KITLG: variants seen among roughly 807,000 people sequenced by gnomAD.
KITLG encodes the protein KIT ligand.
KITLG carries 13 observed loss-of-function variants against 34.1 expected under a neutral mutation model. The ratio of observed to expected loss-of-function variants is 0.38; its 90% CI spans 0.25 to 0.61. The LOEUF (loss-of-function observed/expected upper bound fraction) is 0.61. KITLG is among the 20% of genes least tolerant of loss of function. The pLI is 0.60. For synonymous variants in KITLG, 110 were observed against 104.0 expected (o/e 1.06, Z -0.35); for missense variants, 292 against 318.9 (o/e 0.92, Z 0.64).
intron 3 of KITLG, among the ~76,000 whole-genome samples, chr12:88,526,106 T>A (rs1014813904): frequency 2.0e-5 from 3 of 152,052 alleles, no homozygotes; most frequent in African/African-American, 7.2e-5. Context: ...GGTATTCAGA[T>A]GAGTTGGTTA....
intron 1 of KITLG, among the ~76,000 whole-genome samples, chr12:88,552,327 A>G (rs897557127): frequency 1.3e-5 from 2 of 151,278 alleles, no homozygotes; most frequent in Admixed American, 6.6e-5. Context: ...GGTGCCTGCC[A>G]CCATGGCTGG....
At chr12:88,544,838 G>C (rs1005153052) in intron 2 of KITLG, among the ~76,000 whole-genome samples, 1 of 152,146 alleles carries the variant, frequency 6.6e-6, no homozygotes, top group African/African-American at 2.4e-5. Flanking sequence ...CAAGAGGAGG[G>C]AAGATAAATA....
chr12:88,497,996 G>A (rs964153341), intron 9 of KITLG, among the ~76,000 whole-genome samples: 2 of 152,166 alleles, frequency 1.3e-5, no homozygotes, highest in African/African-American at 4.8e-5. Context: ...ACTTGTTGAA[G>A]CATGAAAGCC....
chr12:88,519,790 A>G (rs1869591682), intron 3 of KITLG, among the ~76,000 whole-genome samples: 1 of 151,968 alleles, frequency 6.6e-6, no homozygotes, highest in African/African-American at 2.4e-5. Flanking sequence ...AGTGTGGCTA[A>G]TTTTTAATTT....
At chr12:88,555,763 T>C (rs927486765) in intron 1 of KITLG, among the ~76,000 whole-genome samples, 2 of 152,106 alleles carry the variant, frequency 1.3e-5, no homozygotes, top group Non-Finnish European at 2.9e-5. Flanking sequence ...AAAAACAAAA[T>C]TGGGTGCTTT....
intron 1 of KITLG, among the ~76,000 whole-genome samples, chr12:88,550,136 T>C (rs575459272): frequency 6.6e-6 from 1 of 152,244 alleles, no homozygotes; most frequent in South Asian, 2.1e-4. Flanking sequence ...AAACAGTGAG[T>C]ATGAACAGCT....
At chr12:88,503,785 T>A (rs1193947144) in intron 9 of KITLG, among the ~76,000 whole-genome samples, 1 of 152,138 alleles carries the variant, frequency 6.6e-6, no homozygotes, top group Non-Finnish European at 1.5e-5. Context: ...GTTCCGTGCA[T>A]CCTGGGCTCT....
intron 1 of KITLG, among the ~76,000 whole-genome samples, chr12:88,571,739 T>C (rs1871657989): frequency 6.6e-6 from 1 of 152,184 alleles, no homozygotes; most frequent in Non-Finnish European, 1.5e-5. Flanking sequence ...TTGTCCAAAT[T>C]CTATTACTGG....
chr12:88,551,088 G>GA lies in KITLG; in HGVS notation c.16-5224dup, dbSNP rs755271542. 1.0e-3 allele frequency among the ~76,000 whole-genome samples: 153 copies of GA among 152,142 alleles called. 1 individual carries two copies. Among genetic ancestry groups the GA allele is most frequent in the Non-Finnish European group, 1.8e-3 (123 of 68,002 alleles). The stretch of plus-strand genomic sequence containing the variant: ...AGCTTATGAACATTCAAATATCTCT[G>GA]AAAAACCTATATTTCTTAAAGCCCT... On this transcript the variant is annotated intron_variant, in intron 1 of 9. Coordinates refer to ENST00000644744, the MANE Select transcript of KITLG (RefSeq NM_000899.5).
rs938310067 is a variant in KITLG at position 88,494,466 on chromosome 12, A to AT, written c.*2752dup. On this transcript the variant is annotated 3_prime_UTR_variant, in exon 10 of 10. Coordinates refer to ENST00000644744, the MANE Select transcript of KITLG (RefSeq NM_000899.5). ...AACCAATACTTCATTAGGTATGCAT[A>AT]TTTTTTCATAATTTTCTTTTCACAT... 9.2e-5 allele frequency: 14 copies of AT among 152,412 alleles called. No individual in the cohort carries two copies. Among genetic ancestry groups the AT allele is most frequent in the African/African-American group, 3.4e-4 (14 of 41,512 alleles). The allele number at this position is 152,412 out of a possible 1,614,324, so 9.4% of individuals were successfully genotyped here. A position where few individuals can be genotyped will look rare whatever the true frequency, so the allele number is the denominator to read the frequency against.
chr12:88,556,818 T>C (rs1007024313), intron 1 of KITLG, among the ~76,000 whole-genome samples: 1 of 151,990 alleles, frequency 6.6e-6, no homozygotes, highest in Non-Finnish European at 1.5e-5. Context: ...CAGTTGATTG[T>C]GGGGTACAGC....
intron 3 of KITLG, among the ~76,000 whole-genome samples, chr12:88,527,148 G>A (rs1485121698): frequency 5.3e-5 from 8 of 152,228 alleles, no homozygotes; most frequent in Middle Eastern, 3.4e-3. Flanking sequence ...GATTACAGGC[G>A]TGAGCCACTG....
At position 88,492,962 on chromosome 12, in the gene KITLG, A is replaced by C. The variant is rs889369274; in HGVS notation, c.*4257T>G. 7 of 152,300 alleles carry C rather than the reference A, an allele frequency of 4.6e-5. No individual in the cohort carries two copies. Among genetic ancestry groups the C allele is most frequent in the Non-Finnish European group, 1.0e-4 (7 of 67,882 alleles). The allele number at this position is 152,300 out of a possible 1,614,324, so 9.4% of individuals were successfully genotyped here. A position where few individuals can be genotyped will look rare whatever the true frequency, so the allele number is the denominator to read the frequency against. On this transcript the variant is annotated 3_prime_UTR_variant, in exon 10 of 10. Coordinates refer to ENST00000644744, the MANE Select transcript of KITLG (RefSeq NM_000899.5). ...TTTTACAACCTTTTTTATTTAATTA[A>C]ATTTCAGTCATAATAGAACTATTTA...
intron 2 of KITLG, among the ~76,000 whole-genome samples, chr12:88,538,948 T>C (rs545716517): frequency 6.6e-6 from 1 of 152,142 alleles, no homozygotes; most frequent in African/African-American, 2.4e-5. Context: ...TTGGATGTCT[T>C]AATGATTGAC....
chr12:88,569,698 T>A (rs1168370723), intron 1 of KITLG, among the ~76,000 whole-genome samples: 1 of 152,168 alleles, frequency 6.6e-6, no homozygotes, highest in Non-Finnish European at 1.5e-5. Flanking sequence ...ACCATCTGAC[T>A]GCAGAGTTTG....
At chr12:88,508,112 G>A (rs985269525) in intron 6 of KITLG, among the ~76,000 whole-genome samples, 7 of 151,820 alleles carry the variant, frequency 4.6e-5, no homozygotes, top group African/African-American at 7.3e-5. Flanking sequence ...GCATGAACCC[G>A]GGAGGCGGAA....
chr12:88,534,563 TG>T, intron 2 of KITLG: 1 of 396,426 alleles, frequency 2.5e-6, no homozygotes, highest in Non-Finnish European at 4.8e-6. Context: ...GACGGGGTTT[TG>T]CTATGTTGGC....
At chr12:88,571,596 A>T (rs1871653423) in intron 1 of KITLG, among the ~76,000 whole-genome samples, 2 of 152,164 alleles carry the variant, frequency 1.3e-5, no homozygotes, top group African/African-American at 4.8e-5. Flanking sequence ...CATTAGAAAA[A>T]AGGCTTATAA....
At chr12:88,523,409 C>T (rs1869749445) in intron 3 of KITLG, among the ~76,000 whole-genome samples, 1 of 152,170 alleles carries the variant, frequency 6.6e-6, no homozygotes, top group African/African-American at 2.4e-5. Flanking sequence ...AGTGAAAGCA[C>T]ATAAAACTGA....
Sources: gnomAD v4.1 joint callset for allele counts (sites outside exome capture counted in the v4.1 genomes callset) on GRCh38, gnomAD v4.1.1 for gene constraint, MANE v1.5 for transcripts, NCBI Gene and HGNC (gene_info 2026-07-23, HGNC 2026-07-21) for gene names.